The following STRADB variants were observed in gnomAD, a reference collection of about 807,000 sequenced individuals.
STRADB encodes the protein STE20 related adaptor beta, also known as STE20-related kinase adapter protein beta.
In STRADB, 34 loss-of-function variants were observed where a neutral mutation model predicts 52.1. The observed-to-expected ratio is 0.65, with a 90% CI of 0.50 to 0.87. The LOEUF (loss-of-function observed/expected upper bound fraction) is 0.87. STRADB is among the 40% of genes least tolerant of loss of function. The pLI, the probability that STRADB is intolerant of heterozygous loss-of-function variation, is 0.00. For missense variants in STRADB, 340 were observed against 483.9 expected (o/e 0.70, Z 2.79); for synonymous variants, 133 against 174.5 (o/e 0.76, Z 1.87).
rs1574288970 is a variant in STRADB, at chr2:201,470,032, A to G, written c.173A>G (p.Tyr58Cys). Reference protein sequence around the residue: ...EVLCSTNVSHYELQVEIGRGF... With the variant: ...EVLCSTNVSHCELQVEIGRGF... The stretch of plus-strand genomic sequence containing the variant: ...CTATGTTCCACCAACGTTTCTCACT[A>G]TGAGCTCCAAGTAGAAATAGGTAAT... Residue 58 changes from tyrosine (Y) to cysteine (C), a missense_variant, in exon 4 of 12, where the codon TAT (tyrosine) becomes TGT (cysteine). Tyr to Cys is a radical substitution (Grantham distance 194). Transcript: ENST00000194530. 2 of 1,613,358 alleles carry G rather than the reference A, an allele frequency of 1.2e-6. No homozygotes were observed. Among genetic ancestry groups the G allele is most frequent in the Non-Finnish European group, 1.7e-6 (2 of 1,179,302 alleles).
intron 6 of STRADB, 41 bp downstream of exon 6, chr2:201,474,796 G>A (rs1386400984): frequency 1.4e-6 from 2 of 1,441,774 alleles, no homozygotes; most frequent in East Asian, 4.7e-5. Flanking sequence ...TAGCCTAGAT[G>A]TTATAATTAT....
chr2:201,464,458 A>G (rs1175870520), intron 3 of STRADB, among the ~76,000 whole-genome samples: 1 of 152,048 alleles, frequency 6.6e-6, no homozygotes, highest in African/African-American at 2.4e-5. Context: ...TTCTCTTTCC[A>G]TGCTGAGCTG....
chr2:201,477,959 G>C, intron 8 of STRADB, 128 bp from the exon 9 acceptor site: 1 of 1,142,538 alleles, frequency 8.8e-7, no homozygotes, highest in Admixed American at 2.3e-5. Context: ...TATGAAGTGT[G>C]TCTTGATTTG....
At chr2:201,465,584 A>G (rs897288165) in intron 3 of STRADB, among the ~76,000 whole-genome samples, 2 of 152,190 alleles carry the variant, frequency 1.3e-5, no homozygotes, top group Non-Finnish European at 2.9e-5. Flanking sequence ...GAGTGACAGA[A>G]GCACTCCCTT....
intron 9 of STRADB, 47 bp from the exon 10 acceptor site, chr2:201,478,310 T>TAATA (rs1952512794): frequency 1.2e-6 from 2 of 1,605,898 alleles, no homozygotes; most frequent in African/African-American, 2.7e-5. Flanking sequence ...GTTACTGTTT[T>TAATA]AATATTTTGC....
chr2:201,459,826 T>TGAGAAG (rs1952185965), intron 3 of STRADB, among the ~76,000 whole-genome samples: 1 of 152,164 alleles, frequency 6.6e-6, no homozygotes, highest in Non-Finnish European at 1.5e-5. Context: ...GTAGAATATG[T>TGAGAAG]CTTAGTTTCA....
intron 1 of STRADB, among the ~76,000 whole-genome samples, chr2:201,452,348 A>G (rs901599388): frequency 4.6e-5 from 7 of 152,338 alleles, no homozygotes; most frequent in African/African-American, 1.7e-4. Flanking sequence ...CGCCTTCTGC[A>G]AGTTCGCTGC....
chr2:201,478,653 T>C (rs760525260), intron 10 of STRADB, 52 bp downstream of exon 10: 17 of 1,575,806 alleles, frequency 1.1e-5, no homozygotes, highest in South Asian at 9.5e-5. Context: ...TTACATTTTA[T>C]AGAAGCTTTG....
intron 3 of STRADB, among the ~76,000 whole-genome samples, chr2:201,460,565 T>C (rs941262853): frequency 6.6e-6 from 1 of 152,178 alleles, no homozygotes; most frequent in East Asian, 1.9e-4. Flanking sequence ...TCTATCTCCA[T>C]GAGTTCAATT....
intron 3 of STRADB, 46 bp from the exon 4 acceptor site, chr2:201,469,907 C>A: frequency 7.0e-7 from 1 of 1,425,346 alleles, no homozygotes; most frequent in Non-Finnish European, 9.9e-7. Flanking sequence ...GGCAGGGGGA[C>A]CAAGAAGTTC....
Position 201,478,125 on chromosome 2 carries a change from T to C in STRADB, c.759T>C (p.Ser253=). 2 of 1,613,462 alleles carry C rather than the reference T, an allele frequency of 1.2e-6. No individual in the cohort carries two copies. The highest frequency in any genetic ancestry group is 1.7e-6 in the Non-Finnish European group (2 of 1,179,832). ...HGYNVKSDIY[S]VGITACELAS... ...ATAATGTGAAGTCAGATATTTACAG[T>C]GTTGGGATTACAGCATGTGAATTAG... The change falls in exon 9 of 12, where the codon AGT becomes AGC. Residue 253 remains serine (S), a synonymous_variant. Coordinates refer to ENST00000194530, the MANE Select transcript of STRADB (RefSeq NM_018571.6).
At chr2:201,477,005 T>G (rs1187759400) in intron 7 of STRADB, among the ~76,000 whole-genome samples, 2 of 120,642 alleles carry the variant, frequency 1.7e-5, no homozygotes, top group South Asian at 5.2e-4. Context: ...AAAAAAAAAG[T>G]GAAATTAATT....
chr2:201,470,920 G>A (rs1484534358), intron 4 of STRADB, among the ~76,000 whole-genome samples: 1 of 152,216 alleles, frequency 6.6e-6, no homozygotes, highest in Non-Finnish European at 1.5e-5. Flanking sequence ...ACTAGGCTTG[G>A]AAGAAGCCAA....
At chr2:201,457,354 T>A (rs1952143440) in intron 2 of STRADB, 4 of 152,218 alleles carry the variant, frequency 2.6e-5, no homozygotes, top group African/African-American at 9.6e-5. Context: ...AAAAACTGTT[T>A]TATTATAAAT....
chr2:201,458,869 G>A lies in STRADB; in HGVS notation c.93+5G>A. On this transcript the variant is annotated splice_donor_5th_base_variant and intron_variant, in intron 3 of 11. Transcript: ENST00000194530. ...ACCAGTATCCATCAATACTTGGTAAGAAAATGGTTAGGCTGGATGCAGTGG... is the reference window on the plus strand; with the variant it reads ...ACCAGTATCCATCAATACTTGGTAAAAAAATGGTTAGGCTGGATGCAGTGG... 6.2e-7 allele frequency: 1 copy of A among 1,612,394 alleles called. No individual in the cohort carries two copies. Among genetic ancestry groups the A allele is most frequent in the Non-Finnish European group, 8.5e-7 (1 of 1,179,050 alleles).
At chr2:201,465,461 G>A (rs1952286575) in intron 3 of STRADB, among the ~76,000 whole-genome samples, 2 of 152,200 alleles carry the variant, frequency 1.3e-5, no homozygotes, top group African/African-American at 4.8e-5. Flanking sequence ...GGCTGAGCTG[G>A]TATCCAAGTT....
Position 201,478,563 on chromosome 2 carries a change from C to T in STRADB, c.1032C>T (p.Ser344=). The T allele has an allele frequency of 6.2e-7, 1 of 1,613,936 alleles. No individual in the cohort carries two copies. The highest frequency in any genetic ancestry group is 8.5e-7 in the Non-Finnish European group (1 of 1,179,982). ...SSKTFSPAFF[S]LVQLCLQQDP... ...AAACTTTCTCTCCTGCCTTCTTTAG[C>T]TTGGTACAGCTCTGTTTGCAACAAG... is the stretch of plus-strand genomic sequence containing the variant. Residue 344 remains serine (S), a synonymous_variant, in exon 10 of 12, where the codon AGC becomes AGT. Coordinates refer to ENST00000194530, the MANE Select transcript of STRADB (RefSeq NM_018571.6).
chr2:201,471,824 C>T (rs571669281), intron 4 of STRADB, among the ~76,000 whole-genome samples: 21 of 152,290 alleles, frequency 1.4e-4, no homozygotes, highest in African/African-American at 5.1e-4. Flanking sequence ...AAGGCAGAGG[C>T]ATTTTGCAGT....
At chr2:201,467,724 C>G (rs559039538) in intron 3 of STRADB, among the ~76,000 whole-genome samples, 35 of 152,302 alleles carry the variant, frequency 2.3e-4, no homozygotes, top group African/African-American at 8.2e-4. Flanking sequence ...CTAGGCATCA[C>G]CATTTTACAA....
Sources: allele counts gnomAD v4.1 joint callset (sites outside exome capture counted in the v4.1 genomes callset), GRCh38; gene constraint gnomAD v4.1.1; transcripts MANE v1.5; gene names NCBI Gene and HGNC (gene_info 2026-07-23, HGNC 2026-07-21).